Variants in FRMD6 observed in about 807,000 individuals in gnomAD.
FRMD6 encodes the protein FERM domain-containing protein 6.
FRMD6 carries 37 observed loss-of-function variants against 73.2 expected under a neutral mutation model. That is an observed-to-expected ratio of 0.51 (90% confidence interval 0.39 to 0.66). FRMD6 has a LOEUF of 0.66. Among genes scored for constraint, FRMD6 ranks in the 30% least tolerant of loss-of-function variants. The probability of loss-of-function intolerance (pLI) is 0.00; values close to 1 mark genes in which losing one functional copy is unlikely to be tolerated. For synonymous variants in FRMD6, 273 were observed against 282.2 expected, an observed-to-expected ratio of 0.97 and a Z score of 0.33; for missense variants, 714 against 780.5, an observed-to-expected ratio of 0.91 and a Z score of 1.02.
chr14:51,572,554 G>A lies in FRMD6; in HGVS notation c.-147+2144G>A, dbSNP rs1888186526. Among the ~76,000 whole-genome samples the A allele has an allele frequency of 2.0e-5, 3 of 152,160 alleles. No individual in the cohort carries two copies. The South Asian group carries it at 6.2e-4, about 32-fold the overall frequency. On this transcript the variant is annotated intron_variant, in intron 2 of 14. Coordinates refer to the FRMD6 transcript ENST00000356218. ...ACAGAGAGAAAGGGGATTCTTAGAG[G>A]AGAGGTATGTAAAACATTAGGATTA...
intron 1 of FRMD6, among the ~76,000 whole-genome samples, chr14:51,545,349 C>T (rs563775051): frequency 2.6e-5 from 4 of 151,964 alleles, no homozygotes; most frequent in East Asian, 3.9e-4. Context: ...GAGGTGTGCT[C>T]TGGAGTAGTA....
chr14:51,409,920 A>G, the FRMD6 span, among the ~76,000 whole-genome samples: 1 of 152,154 alleles, frequency 6.6e-6, no homozygotes, highest in Non-Finnish European at 1.5e-5. Flanking sequence ...GCCATCTTAG[A>G]CCATCTCCTT....
intron 1 of FRMD6, among the ~76,000 whole-genome samples, chr14:51,655,742 A>T (rs1892774575): frequency 1.3e-5 from 2 of 152,198 alleles, no homozygotes; most frequent in South Asian, 4.1e-4. Flanking sequence ...AGAAAAAAGG[A>T]TCAGAATGAT....
chr14:51,551,602 T>C, intron 1 of FRMD6, among the ~76,000 whole-genome samples: 1 of 151,998 alleles, frequency 6.6e-6, no homozygotes, highest in South Asian at 2.1e-4. Flanking sequence ...CCAGGCCTGA[T>C]GGTTTGTGCT....
the FRMD6 span, among the ~76,000 whole-genome samples, chr14:51,434,865 CACA>C: frequency 1.3e-5 from 2 of 152,086 alleles, no homozygotes; most frequent in Admixed American, 6.6e-5. Context: ...CTGAGAAGGG[CACA>C]ACATCTCCTC....
At position 51,531,179 on chromosome 14, in the gene FRMD6, C is replaced by T. The variant is rs943733908; in HGVS notation, c.-209-39169C>T. On this transcript the variant is annotated intron_variant, in intron 1 of 14. Coordinates refer to the FRMD6 transcript ENST00000356218. Reference sequence around the variant, plus strand: ...ACTGTTGCATTGGAGATTAAGTTTCCAACACATGCTTGTTAGGGGACACAT... The same window carrying T: ...ACTGTTGCATTGGAGATTAAGTTTCTAACACATGCTTGTTAGGGGACACAT... 3.3e-5 allele frequency among the ~76,000 whole-genome samples: 5 copies of T among 152,122 alleles called. No homozygotes were observed. The East Asian group carries it at 9.6e-4, about 29-fold the overall frequency.
At chr14:51,662,128 CT>C (rs1893256654) in intron 1 of FRMD6, among the ~76,000 whole-genome samples, 1 of 152,158 alleles carries the variant, frequency 6.6e-6, no homozygotes, top group Non-Finnish European at 1.5e-5. Context: ...AATACTCATA[CT>C]TTGTTTAAAG....
intron 9 of FRMD6, chr14:51,713,611 T>C (rs1897075297): frequency 6.6e-6 from 1 of 152,238 alleles, no homozygotes. Context: ...CCTGCTGGGA[T>C]ATATAGCTCC....
At chr14:51,512,625 T>C (rs147673564) in intron 1 of FRMD6, among the ~76,000 whole-genome samples, 3 of 152,226 alleles carry the variant, frequency 2.0e-5, no homozygotes, top group East Asian at 3.9e-4. Flanking sequence ...TCTTTTTTTT[T>C]TTTGTGGGGG....
intron 2 of FRMD6, among the ~76,000 whole-genome samples, chr14:51,635,020 G>A (rs546147122): frequency 2.6e-5 from 4 of 152,086 alleles, no homozygotes; most frequent in South Asian, 4.2e-4. Context: ...GGCTGGTCCC[G>A]AACTCCTGGG....
chr14:51,602,951 T>C (rs1010535091), intron 2 of FRMD6, among the ~76,000 whole-genome samples: 6 of 152,226 alleles, frequency 3.9e-5, no homozygotes, highest in African/African-American at 1.4e-4. Context: ...GGTGCTATGG[T>C]CTAAATATTT....
rs756831462 is a variant in FRMD6 at position 51,689,828 on chromosome 14, C to G, written c.-9C>G. ...GCCCAGCCCTGACCACCAGAGTGCC[C>G]AAAACACAATGAACAAATTGAATTT... On this transcript the variant is annotated 5_prime_UTR_variant, in exon 2 of 14. Transcript: ENST00000344768. The G allele has an allele frequency of 1.9e-6, 3 of 1,594,528 alleles. No individual in the cohort carries two copies. The highest frequency in any genetic ancestry group is 2.6e-6 in the Non-Finnish European group (3 of 1,163,784).
At chr14:51,567,636 C>T (rs10149343) in intron 1 of FRMD6, among the ~76,000 whole-genome samples, 89,972 of 152,130 alleles carry the variant, frequency 0.59, 26,729 homozygotes, top group African/African-American at 0.62. Flanking sequence ...CACTATGCCC[C>T]GTCCCACCCA....
At position 51,689,994 on chromosome 14, in the gene FRMD6, C is replaced by T. The variant is rs1275703869; in HGVS notation, c.99+59C>T. On this transcript the variant is annotated intron_variant, in intron 2 of 13. Transcript: ENST00000344768. Reference sequence around the variant, plus strand: ...TTGTGTTTTCACCAGTGGCCACATTCAACTTATGACTTGATTAAGGGTGAA... The same window carrying T: ...TTGTGTTTTCACCAGTGGCCACATTTAACTTATGACTTGATTAAGGGTGAA... 5 of 1,048,656 alleles carry T rather than the reference C, an allele frequency of 4.8e-6. No homozygotes were observed. The African/African-American group carries it at 7.8e-5, about 16-fold the overall frequency. 65.0% of individuals were successfully genotyped at this position (1,048,656 alleles called of 1,614,324 possible). A position where few individuals can be genotyped will look rare whatever the true frequency, so the allele number is the denominator to read the frequency against.
chr14:51,496,532 AGT>A lies in FRMD6; in HGVS notation c.-210+7114_-210+7115del, dbSNP rs563125452. The stretch of plus-strand genomic sequence containing the variant: ...GTGATTTTCTTATAGGCTTTAGGAC[AGT>A]GCAATGTTCTCAGGGTACCAAGAGG... On this transcript the variant is annotated intron_variant, in intron 1 of 14. Transcript: ENST00000356218. 3.0e-4 allele frequency among the ~76,000 whole-genome samples: 45 copies of A among 152,344 alleles called. 1 individual carries two copies. In the South Asian group the frequency reaches 9.3e-3, roughly 32 times the overall value.
At chr14:51,696,394 A>AT in intron 2 of FRMD6, among the ~76,000 whole-genome samples, 3 of 151,070 alleles carry the variant, frequency 2.0e-5, no homozygotes, top group Admixed American at 2.0e-4. Context: ...ATTATTTGTA[A>AT]TAATAATACA....
the FRMD6 span, among the ~76,000 whole-genome samples, chr14:51,412,938 G>A: frequency 6.6e-6 from 1 of 151,878 alleles, no homozygotes; most frequent in African/African-American, 2.4e-5. Context: ...CTGGTGGGCT[G>A]GGGTGACTGC....
At chr14:51,628,877 C>CTTTTTTTTTT (rs371915919) in intron 2 of FRMD6, among the ~76,000 whole-genome samples, 4 of 95,302 alleles carry the variant, frequency 4.2e-5, no homozygotes, top group Non-Finnish European at 5.6e-5. Flanking sequence ...CTTTTCTTTT[C>CTTTTTTTTTT]TTTTTTTTTT....
At chr14:51,598,613 TC>T (rs1889849543) in intron 2 of FRMD6, among the ~76,000 whole-genome samples, 1 of 152,180 alleles carries the variant, frequency 6.6e-6, no homozygotes, top group Non-Finnish European at 1.5e-5. Flanking sequence ...CATCTTTATG[TC>T]CATGAGTACC....
Sources: gnomAD v4.1 joint callset for allele counts (sites outside exome capture counted in the v4.1 genomes callset) on GRCh38, gnomAD v4.1.1 for gene constraint, MANE v1.5 for transcripts, NCBI Gene and HGNC (gene_info 2026-07-23, HGNC 2026-07-21) for gene names.